The following TXNDC16 variants were observed in gnomAD, a reference collection of about 807,000 sequenced individuals.
TXNDC16 encodes the protein thioredoxin domain-containing protein 16.
Under a neutral mutation model 85.6 loss-of-function variants are expected in TXNDC16, and 74 were observed. The observed-to-expected ratio is 0.86, with a 90% confidence interval of 0.72 to 1.05. TXNDC16 has a LOEUF of 1.05. Ranked by LOEUF, TXNDC16 falls within the 50% of genes least tolerant of loss-of-function variation. The pLI is 0.00. For missense variants in TXNDC16, 959 were observed against 947.0 expected (o/e 1.01, Z -0.17); for synonymous variants, 335 against 326.5 (o/e 1.03, Z -0.28).
intron 14 of TXNDC16, among the ~76,000 whole-genome samples, chr14:52,478,190 G>A (rs1180259292): frequency 4.6e-5 from 7 of 152,082 alleles, no homozygotes; most frequent in Non-Finnish European, 1.5e-5. Context: ...AGTGCTAAGA[G>A]GAAAGTTCAT....
chr14:52,487,289 C>T (rs1462076768), intron 12 of TXNDC16, among the ~76,000 whole-genome samples: 2 of 152,124 alleles, frequency 1.3e-5, no homozygotes, highest in Non-Finnish European at 2.9e-5. Context: ...TCTGCTCAAA[C>T]CAAGAAACTG....
At chr14:52,502,711 T>C (rs550615729) in intron 9 of TXNDC16, among the ~76,000 whole-genome samples, 6 of 152,256 alleles carry the variant, frequency 3.9e-5, no homozygotes, top group African/African-American at 1.4e-4. Flanking sequence ...TCACTGGGGA[T>C]TGTCAAACAG....
chr14:52,499,687 T>G (rs1189888064), intron 9 of TXNDC16, among the ~76,000 whole-genome samples: 1 of 151,756 alleles, frequency 6.6e-6, no homozygotes, highest in Non-Finnish European at 1.5e-5. Flanking sequence ...TGTGCACTGT[T>G]GGTGAGACTG....
chr14:52,443,282 C>T (rs1195597244), intron 18 of TXNDC16, among the ~76,000 whole-genome samples: 4 of 152,204 alleles, frequency 2.6e-5, no homozygotes, highest in Non-Finnish European at 5.9e-5. Flanking sequence ...CCTCGAACAT[C>T]AGACTCTTAA....
At chr14:52,476,119 G>A (rs2036015055) in intron 14 of TXNDC16, among the ~76,000 whole-genome samples, 1 of 152,136 alleles carries the variant, frequency 6.6e-6, no homozygotes, top group Non-Finnish European at 1.5e-5. Flanking sequence ...CACATCCCTA[G>A]GAAAAGGGAA....
Position 52,470,537 on chromosome 14 carries a change from C to A in TXNDC16, c.1456G>T (p.Glu486Ter), listed in dbSNP as rs7155490. Reference protein sequence around the residue: ...PVSYAGMLGTEDLLKFIQLNR... With the variant: ...PVSYAGMLGT ...AGCTGGATAAATTTTAGGAGATCTT[C>A]GGTTCCTAACATTCCAGCATAAGAT... The change falls in exon 15 of 21, where the codon GAA becomes TAA. Residue 486 changes from glutamate to a stop codon, truncating the protein, a stop_gained. Transcript: ENST00000281741. LOFTEE classifies it high-confidence loss of function. 5.6e-6 allele frequency: 9 copies of A among 1,612,618 alleles called. No individual in the cohort carries two copies. The highest frequency in any genetic ancestry group is 7.6e-6 in the Non-Finnish European group (9 of 1,179,510).
chr14:52,483,267 A>G (rs2036191354), intron 12 of TXNDC16, among the ~76,000 whole-genome samples: 1 of 152,188 alleles, frequency 6.6e-6, no homozygotes, highest in African/African-American at 2.4e-5. Context: ...GCATTATGAC[A>G]GGCACTAGGA....
At chr14:52,499,567 C>T (rs886199207) in intron 9 of TXNDC16, among the ~76,000 whole-genome samples, 1 of 150,794 alleles carries the variant, frequency 6.6e-6, no homozygotes, top group Non-Finnish European at 1.5e-5. Context: ...AACTCGAAAC[C>T]ACCATGAGGT....
chr14:52,550,668 A>G (rs74713122), intron 1 of TXNDC16, among the ~76,000 whole-genome samples: 13,621 of 146,912 alleles, frequency 0.093, 670 homozygotes, highest in East Asian at 0.17. Context: ...AATAGAGGAG[A>G]AAAAGAAAAA....
At chr14:52,540,899 A>T (rs924607891) in intron 4 of TXNDC16, among the ~76,000 whole-genome samples, 5 of 152,174 alleles carry the variant, frequency 3.3e-5, no homozygotes, top group Admixed American at 3.3e-4. Flanking sequence ...CTCATTTGCC[A>T]CTATCTCCTT....
intron 14 of TXNDC16, among the ~76,000 whole-genome samples, chr14:52,475,898 A>G (rs190142000): frequency 2.0e-5 from 3 of 152,272 alleles, no homozygotes; most frequent in Admixed American, 6.5e-5. Flanking sequence ...TTAATCAACC[A>G]AAGCTAAGGA....
chr14:52,530,298 AATAT>A, intron 6 of TXNDC16, among the ~76,000 whole-genome samples: 2 of 52,040 alleles, frequency 3.8e-5, no homozygotes, highest in African/African-American at 8.0e-5. Flanking sequence ...TATTATATAT[AATAT>A]TAATATATAA....
chr14:52,464,743 C>G (rs1325668218), intron 16 of TXNDC16, among the ~76,000 whole-genome samples: 3 of 152,080 alleles, frequency 2.0e-5, no homozygotes, highest in Admixed American at 2.0e-4. Context: ...ACCAGCCTGG[C>G]CAACACAGTG....
At position 52,449,571 on chromosome 14, in the gene TXNDC16, G is replaced by C. The variant is rs760573582; in HGVS notation, c.1842+5753C>G. Reference sequence around the variant, plus strand: ...ACAGGAAATCCGCAAAGAAACCTCAGATTTAATCTGCACTACAGACAAAAT... The same window carrying C: ...ACAGGAAATCCGCAAAGAAACCTCACATTTAATCTGCACTACAGACAAAAT... On this transcript the variant is annotated intron_variant, in intron 18 of 20. Coordinates refer to ENST00000281741, the MANE Select transcript of TXNDC16 (RefSeq NM_020784.3). 3.3e-5 allele frequency among the ~76,000 whole-genome samples: 5 copies of C among 152,026 alleles called. No homozygotes were observed. In the East Asian group the frequency reaches 5.8e-4, roughly 18 times the overall value.
intron 18 of TXNDC16, among the ~76,000 whole-genome samples, chr14:52,443,892 C>T (rs982269555): frequency 6.6e-6 from 1 of 151,838 alleles, no homozygotes; most frequent in African/African-American, 2.4e-5. Flanking sequence ...AAACTGAGTT[C>T]TAAAATTAAA....
chr14:52,481,527 GA>G (rs887369986), intron 14 of TXNDC16, among the ~76,000 whole-genome samples: 1 of 152,128 alleles, frequency 6.6e-6, no homozygotes, highest in Non-Finnish European at 1.5e-5. Flanking sequence ...TTGAAAACCA[GA>G]TATTCTGCAA....
At chr14:52,527,436 G>GT (rs113173168) in intron 6 of TXNDC16, among the ~76,000 whole-genome samples, 15,334 of 152,060 alleles carry the variant, frequency 0.1, 797 homozygotes, top group East Asian at 0.14. Flanking sequence ...AATGATTTTT[G>GT]TTTTTTTCAC....
intron 14 of TXNDC16, among the ~76,000 whole-genome samples, chr14:52,471,695 GCATGTGAATAAATGACA>G (rs2035911413): frequency 6.6e-6 from 1 of 151,942 alleles, no homozygotes; most frequent in Admixed American, 6.6e-5. Context: ...CCTTAAATAT[GCATGTGAATAAATGACA>G]CATGTGAAAC....
At chr14:52,485,039 C>T (rs2036237178) in intron 12 of TXNDC16, among the ~76,000 whole-genome samples, 1 of 152,056 alleles carries the variant, frequency 6.6e-6, no homozygotes, top group African/African-American at 2.4e-5. Context: ...TGTAAAACAG[C>T]CTCAGGTAGG....
Sources: allele counts gnomAD v4.1 joint callset (sites outside exome capture counted in the v4.1 genomes callset), GRCh38; gene constraint gnomAD v4.1.1; transcripts MANE v1.5; gene names NCBI Gene and HGNC (gene_info 2026-07-23, HGNC 2026-07-21).